Variants in KCNH8 observed in about 807,000 individuals in gnomAD.
KCNH8 encodes potassium voltage-gated channel subfamily H member 8, also known as voltage-gated delayed rectifier potassium channel KCNH8.
Under a neutral mutation model 103.6 loss-of-function variants are expected in KCNH8, and 70 were observed. That is an observed-to-expected ratio of 0.68 (90% confidence interval 0.56 to 0.82). The LOEUF (loss-of-function observed/expected upper bound fraction) is 0.82, where lower values mean the gene tolerates loss of function less well. KCNH8 is among the 40% of genes least tolerant of loss of function. The pLI is 0.00. For synonymous variants in KCNH8, 498 were observed against 489.4 expected (o/e 1.02, Z -0.23); for missense variants, 1,217 against 1,329.9 (o/e 0.92, Z 1.32).
intron 1 of KCNH8, among the ~76,000 whole-genome samples, chr3:19,231,596 G>T (rs1280202997): frequency 6.6e-6 from 1 of 152,052 alleles, no homozygotes; most frequent in Non-Finnish European, 1.5e-5. Flanking sequence ...TGTTGAAATG[G>T]TTCTTTCTAA....
chr3:19,507,865 C>T (rs1166047546), intron 11 of KCNH8, among the ~76,000 whole-genome samples: 2 of 152,188 alleles, frequency 1.3e-5, no homozygotes, highest in African/African-American at 4.8e-5. Context: ...TCTGTGGGAG[C>T]ACTGTCCCAG....
chr3:19,421,626 A>T (rs2066952625), intron 7 of KCNH8, among the ~76,000 whole-genome samples: 1 of 152,058 alleles, frequency 6.6e-6, no homozygotes, highest in African/African-American at 2.4e-5. Context: ...AAAAGTTCAT[A>T]TCAGATACAC....
intron 7 of KCNH8, among the ~76,000 whole-genome samples, chr3:19,411,765 A>G (rs752880263): frequency 6.6e-6 from 1 of 150,740 alleles, no homozygotes; most frequent in Non-Finnish European, 1.5e-5. Context: ...AACCGTAGCC[A>G]CACACACACA....
chr3:19,365,040 A>G (rs1004196061), intron 5 of KCNH8, among the ~76,000 whole-genome samples: 1 of 152,148 alleles, frequency 6.6e-6, no homozygotes, highest in Non-Finnish European at 1.5e-5. Flanking sequence ...ATGTTTAATT[A>G]TAAGAATTAC....
chr3:19,355,650 C>T (rs1236804196), intron 5 of KCNH8, among the ~76,000 whole-genome samples: 5 of 151,852 alleles, frequency 3.3e-5, no homozygotes, highest in Non-Finnish European at 5.9e-5. Flanking sequence ...ACCAAACATC[C>T]CATGTTCTCA....
At chr3:19,475,946 C>T (rs1000748179) in intron 11 of KCNH8, among the ~76,000 whole-genome samples, 1 of 152,214 alleles carries the variant, frequency 6.6e-6, no homozygotes, top group African/African-American at 2.4e-5. Context: ...GCTCCACGCA[C>T]CAATTTTGAG....
intron 1 of KCNH8, among the ~76,000 whole-genome samples, chr3:19,161,874 T>C (rs1339168365): frequency 2.0e-5 from 3 of 152,190 alleles, no homozygotes; most frequent in Non-Finnish European, 4.4e-5. Flanking sequence ...TTTTTATATG[T>C]GGTGAATTAG....
Position 19,171,286 on chromosome 3 carries a change from A to G in KCNH8, c.76+22491A>G, listed in dbSNP as rs142504294. Reference sequence around the variant, plus strand: ...TAAACATAAGTTTTCAAAAAAATCAATTTTTCTACTTTCTGAAAAACGTTC... The same window carrying G: ...TAAACATAAGTTTTCAAAAAAATCAGTTTTTCTACTTTCTGAAAAACGTTC... On this transcript the variant is annotated intron_variant, in intron 1 of 15. Transcript: ENST00000328405. Among the ~76,000 whole-genome samples, 152 of 152,266 alleles carry G rather than the reference A, an allele frequency of 1.0e-3. 2 individuals are homozygous for G. In the East Asian group the frequency reaches 0.027, roughly 27 times the overall value.
chr3:19,447,627 T>G (rs941944960), intron 8 of KCNH8, among the ~76,000 whole-genome samples: 9 of 152,002 alleles, frequency 5.9e-5, no homozygotes, highest in African/African-American at 2.2e-4. Context: ...AGCCCATAAG[T>G]ATATTAAGGG....
chr3:19,437,762 T>G (rs1318022485), intron 7 of KCNH8, among the ~76,000 whole-genome samples: 2 of 152,224 alleles, frequency 1.3e-5, no homozygotes, highest in Admixed American at 1.3e-4. Flanking sequence ...TAACTTATCA[T>G]CACATTGGGT....
Position 19,329,216 on chromosome 3 carries a change from C to T in KCNH8, c.443-13371C>T, listed in dbSNP as rs2065471318. 7.2e-5 allele frequency among the ~76,000 whole-genome samples: 11 copies of T among 152,292 alleles called. 1 individual carries two copies. In the South Asian group the frequency reaches 2.3e-3, roughly 32 times the overall value. ...AGACAGCTGTTTCACTAACTTGCAG[C>T]TCTTGTAAATGCTTTGAAAGCTGAT... On this transcript the variant is annotated intron_variant, in intron 3 of 15. Transcript: ENST00000328405.
At chr3:19,243,611 A>G (rs925115390) in intron 1 of KCNH8, among the ~76,000 whole-genome samples, 70 of 152,324 alleles carry the variant, frequency 4.6e-4, no homozygotes, top group African/African-American at 1.7e-3. Flanking sequence ...ATATAAACAA[A>G]ACTTAAATGG....
Position 19,332,741 on chromosome 3 carries a change from T to G in KCNH8, c.443-9846T>G, listed in dbSNP as rs574562494. On this transcript the variant is annotated intron_variant, in intron 3 of 15. Coordinates refer to ENST00000328405, the MANE Select transcript of KCNH8 (RefSeq NM_144633.3). ...TCTGCCCTCCAGGTTCAAGCGATTC[T>G]CATGCCTCAGGCTCCTGAGTAGCTG... Among the ~76,000 whole-genome samples the G allele has an allele frequency of 2.0e-5, 3 of 152,268 alleles. No homozygotes were observed. The South Asian group carries it at 6.2e-4, about 32-fold the overall frequency.
intron 1 of KCNH8, among the ~76,000 whole-genome samples, chr3:19,188,390 C>T (rs895910358): frequency 1.3e-5 from 2 of 151,924 alleles, no homozygotes; most frequent in African/African-American, 4.8e-5. Flanking sequence ...CCATGCAACT[C>T]GGCAGTTGTA....
intron 2 of KCNH8, among the ~76,000 whole-genome samples, chr3:19,270,877 T>A (rs559268243): frequency 6.6e-6 from 1 of 152,258 alleles, no homozygotes; most frequent in East Asian, 1.9e-4. Flanking sequence ...TATTTCCAAA[T>A]TCTCGTCTCA....
intron 2 of KCNH8, among the ~76,000 whole-genome samples, chr3:19,269,606 T>C (rs1407225455): frequency 1.3e-5 from 2 of 151,302 alleles, no homozygotes; most frequent in Non-Finnish European, 3.0e-5. Context: ...GTTTTTAACT[T>C]TCTAGTTGCT....
chr3:19,187,825 A>G (rs1391973114), intron 1 of KCNH8, among the ~76,000 whole-genome samples: 1 of 152,096 alleles, frequency 6.6e-6, no homozygotes, highest in East Asian at 1.9e-4. Context: ...GTCTTTGTGA[A>G]CAAACTTTTA....
chr3:19,346,166 TA>T (rs2065725730), intron 4 of KCNH8, among the ~76,000 whole-genome samples: 1 of 152,082 alleles, frequency 6.6e-6, no homozygotes, highest in Admixed American at 6.6e-5. Context: ...CCAATCATGT[TA>T]TTACAACTTG....
At chr3:19,254,040 C>T (rs984924102) in intron 2 of KCNH8, among the ~76,000 whole-genome samples, 153 bp downstream of exon 2, 1 of 151,898 alleles carries the variant, frequency 6.6e-6, no homozygotes, top group African/African-American at 2.4e-5. Flanking sequence ...GGATGATAGC[C>T]TTGTTTTAAC....
Sources: gnomAD v4.1 joint callset for allele counts (sites outside exome capture counted in the v4.1 genomes callset) on GRCh38, gnomAD v4.1.1 for gene constraint, MANE v1.5 for transcripts, NCBI Gene and HGNC (gene_info 2026-07-23, HGNC 2026-07-21) for gene names.